The following GALNT17 variants were observed in gnomAD, a reference collection of about 807,000 sequenced individuals.
GALNT17 encodes the protein UDP-GalNAc:polypeptide N-acetylgalactosaminyltransferase-like 3.
Under a neutral mutation model 63.7 loss-of-function variants are expected in GALNT17, and 29 were observed. The ratio of observed to expected loss-of-function variants is 0.46; its 90% confidence interval spans 0.34 to 0.62. The LOEUF (loss-of-function observed/expected upper bound fraction) is 0.62, where lower values mean the gene tolerates loss of function less well. Ranked by LOEUF, GALNT17 falls within the 20% of genes least tolerant of loss-of-function variation. The pLI, the probability that GALNT17 is intolerant of heterozygous loss-of-function variation, is 0.01. For missense variants in GALNT17, 603 were observed against 799.6 expected, an observed-to-expected ratio of 0.75 and a Z score of 2.97; for synonymous variants, 305 against 318.3, an observed-to-expected ratio of 0.96 and a Z score of 0.45.
intron 3 of GALNT17, among the ~76,000 whole-genome samples, chr7:71,401,049 C>G (rs1318587828): frequency 1.3e-5 from 2 of 150,276 alleles, no homozygotes; most frequent in East Asian, 3.9e-4. Context: ...TGAGAAGCTT[C>G]TTTGTTTTTA....
chr7:71,690,273 C>T (rs546521337), intron 9 of GALNT17, among the ~76,000 whole-genome samples: 1 of 152,098 alleles, frequency 6.6e-6, no homozygotes, highest in Non-Finnish European at 1.5e-5. Flanking sequence ...ATCCACCCTT[C>T]TTGGCCTCCC....
At chr7:71,361,365 AAGTTTTAG>A (rs1473354914) in intron 2 of GALNT17, among the ~76,000 whole-genome samples, 68 of 152,288 alleles carry the variant, frequency 4.5e-4, no homozygotes, top group South Asian at 2.1e-3. Context: ...TTCTCATGGG[AAGTTTTAG>A]CACTTGAAAC....
intron 5 of GALNT17, among the ~76,000 whole-genome samples, chr7:71,488,876 C>A (rs1198961601): frequency 6.9e-6 from 1 of 144,838 alleles, no homozygotes; most frequent in South Asian, 2.2e-4. Flanking sequence ...GCCACCGCGC[C>A]CAGCCAGGTT....
At chr7:71,556,977 C>A (rs1789174281) in intron 5 of GALNT17, among the ~76,000 whole-genome samples, 2 of 151,998 alleles carry the variant, frequency 1.3e-5, no homozygotes, top group African/African-American at 4.8e-5. Flanking sequence ...GCTGTAGACT[C>A]CTGGGCTCAA....
chr7:71,452,241 T>C (rs1297981118), intron 5 of GALNT17, among the ~76,000 whole-genome samples: 1 of 149,276 alleles, frequency 6.7e-6, no homozygotes, highest in South Asian at 2.2e-4. Context: ...AGGCTCTCTT[T>C]AGAAAAAAAA....
intron 2 of GALNT17, among the ~76,000 whole-genome samples, chr7:71,348,506 C>A (rs1192204725): frequency 6.6e-6 from 1 of 152,128 alleles, no homozygotes; most frequent in East Asian, 1.9e-4. Context: ...GAATTTGAAA[C>A]CAGTGGATAG....
At chr7:71,522,277 C>T (rs1788542765) in intron 5 of GALNT17, among the ~76,000 whole-genome samples, 1 of 152,128 alleles carries the variant, frequency 6.6e-6, no homozygotes, top group Non-Finnish European at 1.5e-5. Context: ...GCAGAAAATG[C>T]AGGTTTTTAT....
chr7:71,234,388 A>G (rs981807546), intron 1 of GALNT17, among the ~76,000 whole-genome samples: 1 of 152,050 alleles, frequency 6.6e-6, no homozygotes, highest in Non-Finnish European at 1.5e-5. Context: ...CAGCCTCCCA[A>G]GTAGCTAGAT....
intron 1 of GALNT17, among the ~76,000 whole-genome samples, chr7:71,157,033 T>G (rs1788249321): frequency 6.6e-6 from 1 of 151,844 alleles, no homozygotes; most frequent in Non-Finnish European, 1.5e-5. Flanking sequence ...CATAGCTCAG[T>G]GTAGCTTTGG....
At chr7:71,419,498 G>A (rs754495928) in intron 4 of GALNT17, among the ~76,000 whole-genome samples, 20 of 152,196 alleles carry the variant, frequency 1.3e-4, no homozygotes, top group African/African-American at 1.9e-4. Flanking sequence ...AAAATAATTC[G>A]TGTTCAGAGT....
At chr7:71,452,671 G>T (rs2116554784) in intron 5 of GALNT17, among the ~76,000 whole-genome samples, 1 of 152,300 alleles carries the variant, frequency 6.6e-6, no homozygotes, top group East Asian at 1.9e-4. Context: ...AAAATCATTT[G>T]TATTTGCTTC....
At chr7:71,266,543 A>G (rs1790495461) in intron 1 of GALNT17, among the ~76,000 whole-genome samples, 3 of 152,184 alleles carry the variant, frequency 2.0e-5, no homozygotes, top group Non-Finnish European at 2.9e-5. Flanking sequence ...CTGCAGAACT[A>G]TGAGTCATTT....
At chr7:71,530,480 G>C (rs1042724281) in intron 5 of GALNT17, among the ~76,000 whole-genome samples, 18 of 152,098 alleles carry the variant, frequency 1.2e-4, no homozygotes, top group African/African-American at 4.1e-4. Flanking sequence ...GGAGGGACTG[G>C]TTGTCAACAC....
chr7:71,339,502 C>T (rs1248657543), intron 2 of GALNT17, among the ~76,000 whole-genome samples: 4 of 152,030 alleles, frequency 2.6e-5, no homozygotes, highest in East Asian at 1.9e-4. Flanking sequence ...GCCTGGCCAA[C>T]GTGATGACAC....
intron 6 of GALNT17, among the ~76,000 whole-genome samples, chr7:71,613,515 C>G (rs1401587213): frequency 6.6e-6 from 1 of 152,182 alleles, no homozygotes; most frequent in Non-Finnish European, 1.5e-5. Flanking sequence ...TCCTTCTTTC[C>G]ATGAGTAGCC....
At chr7:71,656,352 G>A (rs1291394194) in intron 6 of GALNT17, among the ~76,000 whole-genome samples, 1 of 152,136 alleles carries the variant, frequency 6.6e-6, no homozygotes, top group African/African-American at 2.4e-5. Flanking sequence ...TTGATTAGGA[G>A]TTAACTAGGC....
Position 71,449,641 on chromosome 7 carries a change from C to CT in GALNT17, c.962+28537dup, listed in dbSNP as rs1309598296. ...AGGGACATTTTCTGTCTAATTTACT[C>CT]TGAGTTTTTCTTGGCGACACATATT... is the stretch of plus-strand genomic sequence containing the variant. On this transcript the variant is annotated intron_variant, in intron 5 of 10. Coordinates refer to ENST00000333538, the MANE Select transcript of GALNT17 (RefSeq NM_022479.3). 4.6e-5 allele frequency among the ~76,000 whole-genome samples: 7 copies of CT among 152,214 alleles called. No homozygotes were observed. In the East Asian group the frequency reaches 1.4e-3, roughly 29 times the overall value.
intron 5 of GALNT17, among the ~76,000 whole-genome samples, chr7:71,429,276 C>T (rs1036774042): frequency 6.6e-6 from 1 of 151,956 alleles, no homozygotes; most frequent in Admixed American, 6.6e-5. Context: ...AAGAAGGAGG[C>T]GTGGGTGGGC....
chr7:71,523,767 A>ATAAC (rs1283173652), intron 5 of GALNT17, among the ~76,000 whole-genome samples: 13 of 149,510 alleles, frequency 8.7e-5, no homozygotes, highest in African/African-American at 2.7e-4. Context: ...AAATAAATAA[A>ATAAC]TAAATAAATA....
Sources: gnomAD v4.1 joint callset for allele counts (sites outside exome capture counted in the v4.1 genomes callset) on GRCh38, gnomAD v4.1.1 for gene constraint, MANE v1.5 for transcripts, NCBI Gene and HGNC (gene_info 2026-07-23, HGNC 2026-07-21) for gene names.